GNB1L: variants seen among roughly 807,000 people sequenced by gnomAD.
GNB1L encodes G protein subunit beta 1 like.
Under a neutral mutation model 29.1 loss-of-function variants are expected in GNB1L, and 20 were observed. The ratio of observed to expected loss-of-function variants is 0.69; its 90% CI spans 0.48 to 1.00. The LOEUF (loss-of-function observed/expected upper bound fraction) is 1.00, where lower values mean the gene tolerates loss of function less well. GNB1L is among the 50% of genes least tolerant of loss of function. The pLI, the probability that GNB1L is intolerant of heterozygous loss-of-function variation, is 0.00. For synonymous variants in GNB1L, 193 were observed against 206.5 expected, an observed-to-expected ratio of 0.93 and a Z score of 0.56; for missense variants, 421 against 464.9, an observed-to-expected ratio of 0.91 and a Z score of 0.87.
intron 4 of GNB1L, among the ~76,000 whole-genome samples, chr22:19,814,780 G>A (rs1346718061): frequency 1.3e-5 from 2 of 152,158 alleles, no homozygotes; most frequent in Non-Finnish European, 2.9e-5. Flanking sequence ...TAGGTGCAGT[G>A]GATCATACCT....
At chr22:19,848,887 G>C in intron 2 of GNB1L, 1 of 985,394 alleles carries the variant, frequency 1.0e-6, no homozygotes, top group Non-Finnish European at 1.2e-6. Flanking sequence ...AAGCCTGTGG[G>C]ACAGGGTAAA....
intron 4 of GNB1L, among the ~76,000 whole-genome samples, chr22:19,813,858 TG>T (rs999892773): frequency 6.6e-6 from 1 of 151,960 alleles, no homozygotes; most frequent in Non-Finnish European, 1.5e-5. Context: ...TGGCCAGGCA[TG>T]GTGGTGCGTG....
At chr22:19,833,318 A>G (rs1016061498) in intron 2 of GNB1L, among the ~76,000 whole-genome samples, 3 of 152,260 alleles carry the variant, frequency 2.0e-5, no homozygotes, top group African/African-American at 7.2e-5. Flanking sequence ...TCAGCAGAGA[A>G]ATAGAAATTA....
intron 2 of GNB1L, among the ~76,000 whole-genome samples, chr22:19,832,484 T>C (rs1937696732): frequency 6.6e-6 from 1 of 152,196 alleles, no homozygotes; most frequent in Admixed American, 6.5e-5. Context: ...GGTGCTGCCC[T>C]ACAGTTGGCC....
intron 2 of GNB1L, among the ~76,000 whole-genome samples, chr22:19,839,930 G>A (rs1022786300): frequency 6.6e-6 from 1 of 151,676 alleles, no homozygotes; most frequent in Non-Finnish European, 1.5e-5. Context: ...AGGTGTGTTG[G>A]CACATGTCTG....
chr22:19,851,476 C>T, intron 2 of GNB1L: 1 of 1,614,132 alleles, frequency 6.2e-7, no homozygotes. Context: ...CAGGGGTGCT[C>T]TCCTTGGTCA....
chr22:19,802,933 G>A (rs1460250819), intron 6 of GNB1L, among the ~76,000 whole-genome samples: 1 of 152,224 alleles, frequency 6.6e-6, no homozygotes, highest in African/African-American at 2.4e-5. Context: ...GCATCACCCT[G>A]GGGACACAGC....
At chr22:19,791,333 G>A (rs1022148708) in intron 7 of GNB1L, among the ~76,000 whole-genome samples, 4 of 152,198 alleles carry the variant, frequency 2.6e-5, no homozygotes, top group African/African-American at 9.7e-5. Flanking sequence ...TTGAGAAACT[G>A]GTACCAGACT....
In GNB1L at chr22:19,795,644, A is replaced by G. The variant is rs532822112; in HGVS notation, c.732+6357T>C. ...GGAAATTAAATAACACACCCCCACCAAGGAACCTACAGATCAAAGAGAAAA... is the reference window on the plus strand; with the variant it reads ...GGAAATTAAATAACACACCCCCACCGAGGAACCTACAGATCAAAGAGAAAA... On this transcript the variant is annotated intron_variant, in intron 7 of 7. Coordinates refer to ENST00000329517, the MANE Select transcript of GNB1L (RefSeq NM_053004.3). 3.9e-4 allele frequency among the ~76,000 whole-genome samples: 60 copies of G among 152,384 alleles called. 1 individual carries two copies. The South Asian group carries it at 0.012, about 31-fold the overall frequency.
At position 19,788,184 on chromosome 22, in the gene GNB1L, T is replaced by G; in HGVS notation, c.*525A>C. The G allele has an allele frequency of 4.5e-6, 1 of 221,380 alleles. No homozygotes were observed. The highest frequency in any genetic ancestry group is 9.0e-6 in the Non-Finnish European group (1 of 111,650). 13.7% of individuals were successfully genotyped at this position (221,380 alleles called of 1,614,324 possible). A position where few individuals can be genotyped will look rare whatever the true frequency, so the allele number is the denominator to read the frequency against. ...CCTGATCCTGGCCTCAACCTGTGTG[T>G]TGGGAGCTCCTGGCCTCCTCGGGGT... is the stretch of plus-strand genomic sequence containing the variant. On this transcript the variant is annotated 3_prime_UTR_variant, in exon 8 of 8. Coordinates refer to ENST00000329517, the MANE Select transcript of GNB1L (RefSeq NM_053004.3).
At position 19,834,035 on chromosome 22, in the gene GNB1L, G is replaced by A. The variant is rs575477130; in HGVS notation, c.-20-12660C>T. Among the ~76,000 whole-genome samples the A allele has an allele frequency of 2.6e-5, 4 of 152,074 alleles. No homozygotes were observed. The East Asian group carries it at 7.7e-4, about 29-fold the overall frequency. Reference sequence around the variant, plus strand: ...AGTAAAAGGTCTAACATTAAGGGCAGTGGAGTCTGAGAAGTAGAAGAGAGA... The same window carrying A: ...AGTAAAAGGTCTAACATTAAGGGCAATGGAGTCTGAGAAGTAGAAGAGAGA... On this transcript the variant is annotated intron_variant, in intron 2 of 7. Transcript: ENST00000329517.
chr22:19,793,978 G>GT (rs1316071538), intron 7 of GNB1L, among the ~76,000 whole-genome samples: 4 of 151,816 alleles, frequency 2.6e-5, no homozygotes, highest in Admixed American at 6.6e-5. Flanking sequence ...TTTCTTGTAA[G>GT]TTTTTTTTTA....
At chr22:19,813,005 A>G (rs947544202) in intron 4 of GNB1L, among the ~76,000 whole-genome samples, 8 of 152,244 alleles carry the variant, frequency 5.3e-5, no homozygotes, top group African/African-American at 9.6e-5. Context: ...GGTAGAACAG[A>G]TGAGGAAACC....
chr22:19,843,519 G>A (rs116179137), intron 2 of GNB1L, among the ~76,000 whole-genome samples: 33 of 152,288 alleles, frequency 2.2e-4, no homozygotes, highest in Middle Eastern at 3.4e-3. Flanking sequence ...AGGGCTGACC[G>A]ATGTCAGTCT....
intron 2 of GNB1L, chr22:19,848,280 T>C (rs374340965): frequency 4.1e-6 from 4 of 985,424 alleles, no homozygotes; most frequent in East Asian, 2.3e-4. Flanking sequence ...GCCAGCACCA[T>C]GGCCCGTCCC....
At position 19,823,830 on chromosome 22, in the gene GNB1L, C is replaced by T. The variant is rs150267275; in HGVS notation, c.-20-2455G>A. The stretch of plus-strand genomic sequence containing the variant: ...ACACACACATGCACACACACAGGCA[C>T]ACACTCATACCTACATACACATACA... On this transcript the variant is annotated intron_variant, in intron 2 of 7. Coordinates refer to ENST00000329517, the MANE Select transcript of GNB1L (RefSeq NM_053004.3). 3.0e-4 allele frequency among the ~76,000 whole-genome samples: 45 copies of T among 152,304 alleles called. No homozygotes were observed. The East Asian group carries it at 8.1e-3, about 27-fold the overall frequency.
Position 19,786,221 on chromosome 22 carries a change from C to T in GNB1L, c.*2488G>A, listed in dbSNP as rs540488784. ...AGGGCTGTGTTAGGCATGCAGGACTCACGCTGTCCCGACTCCATCCCTGCA... is the reference window on the plus strand; with the variant it reads ...AGGGCTGTGTTAGGCATGCAGGACTTACGCTGTCCCGACTCCATCCCTGCA... On this transcript the variant is annotated 3_prime_UTR_variant, in exon 8 of 8. Transcript: ENST00000329517. The T allele has an allele frequency of 6.6e-6, 1 of 152,424 alleles. No homozygotes were observed. The highest frequency in any genetic ancestry group is 2.4e-5 in the African/African-American group (1 of 41,576). The allele number at this position is 152,424 out of a possible 1,614,324, so 9.4% of individuals were successfully genotyped here. A position where few individuals can be genotyped will look rare whatever the true frequency, so the allele number is the denominator to read the frequency against.
At chr22:19,806,326 G>A (rs976461504) in intron 6 of GNB1L, among the ~76,000 whole-genome samples, 7 of 152,246 alleles carry the variant, frequency 4.6e-5, no homozygotes, top group African/African-American at 1.7e-4. Context: ...CCCAAGTACT[G>A]AGGCGCTGGC....
At chr22:19,813,854 G>GGC (rs1359746160) in intron 4 of GNB1L, among the ~76,000 whole-genome samples, 1 of 152,150 alleles carries the variant, frequency 6.6e-6, no homozygotes, top group Non-Finnish European at 1.5e-5. Flanking sequence ...AAATTGGCCA[G>GGC]GCATGGTGGT....
Sources: gnomAD v4.1 joint callset for allele counts (sites outside exome capture counted in the v4.1 genomes callset) on GRCh38, gnomAD v4.1.1 for gene constraint, MANE v1.5 for transcripts, NCBI Gene and HGNC (gene_info 2026-07-23, HGNC 2026-07-21) for gene names.